Variants in SLC24A2 observed in about 807,000 individuals in gnomAD.
The protein encoded by SLC24A2 is solute carrier family 24 member 2.
In SLC24A2, 36 loss-of-function variants were observed where a neutral mutation model predicts 62.0. That is an observed-to-expected ratio of 0.58 (90% confidence interval 0.44 to 0.77). The LOEUF is 0.77. Ranked by LOEUF, SLC24A2 falls within the 30% of genes least tolerant of loss-of-function variation. The pLI is 0.00. For synonymous variants in SLC24A2, 358 were observed against 294.0 expected, an observed-to-expected ratio of 1.22 and a Z score of -2.23; for missense variants, 846 against 817.9, an observed-to-expected ratio of 1.03 and a Z score of -0.42.
At chr9:20,142,944 G>C in the SLC24A2 span, among the ~76,000 whole-genome samples, 1 of 152,150 alleles carries the variant, frequency 6.6e-6, no homozygotes, top group African/African-American at 2.4e-5. Flanking sequence ...ATCTGCTGGA[G>C]CCAGGGGCCA....
chr9:20,198,718 C>A, the SLC24A2 span, among the ~76,000 whole-genome samples: 1 of 151,802 alleles, frequency 6.6e-6, no homozygotes, highest in African/African-American at 2.4e-5. Context: ...CCCAAGCCAT[C>A]CACCCCGAGG....
At chr9:20,225,163 G>T in the SLC24A2 span, among the ~76,000 whole-genome samples, 45 of 152,152 alleles carry the variant, frequency 3.0e-4, 1 homozygote, top group African/African-American at 1.0e-3. Flanking sequence ...AGAAAGAAGG[G>T]TACATATTTT....
the SLC24A2 span, among the ~76,000 whole-genome samples, chr9:19,820,042 C>CATATATATATATACACATATATATATAT: frequency 3.0e-5 from 1 of 32,862 alleles, no homozygotes; most frequent in South Asian, 9.3e-4. Flanking sequence ...TATATATATA[C>CATATATATATATACACATATATATATAT]ATATATATAT....
At chr9:19,751,034 T>C (rs917475694) in intron 2 of SLC24A2, among the ~76,000 whole-genome samples, 1 of 152,218 alleles carries the variant, frequency 6.6e-6, no homozygotes, top group African/African-American at 2.4e-5. Context: ...CTGCCTTCAC[T>C]ATGGGGCTTA....
chr9:20,200,523 G>C, the SLC24A2 span, among the ~76,000 whole-genome samples: 2 of 152,248 alleles, frequency 1.3e-5, no homozygotes, highest in Non-Finnish European at 2.9e-5. Flanking sequence ...CCGTGTAACG[G>C]AAAGGGAAAT....
intron 2 of SLC24A2, among the ~76,000 whole-genome samples, chr9:19,671,553 T>C (rs1185317699): frequency 1.3e-5 from 2 of 152,148 alleles, no homozygotes; most frequent in Admixed American, 1.3e-4. Flanking sequence ...TATTTCTTTC[T>C]CTTATCTGAT....
chr9:20,023,501 C>T, the SLC24A2 span, among the ~76,000 whole-genome samples: 10 of 152,298 alleles, frequency 6.6e-5, no homozygotes, highest in South Asian at 1.9e-3. Context: ...TTGGTGACCT[C>T]AGATTTCACT....
rs188152854 is a variant in SLC24A2 at position 19,708,845 on chromosome 9, G to C, written c.930+77092C>G. Among the ~76,000 whole-genome samples the C allele has an allele frequency of 7.1e-3, 1,087 of 152,152 alleles. 16 individuals carry two copies. The highest frequency in any genetic ancestry group is 0.025 in the African/African-American group (1,039 of 41,502). ...CAATAACATTCAGGACATAGGCATG[G>C]GCAAGGACTGCATGTCTAAAACACC... On this transcript the variant is annotated intron_variant, in intron 2 of 10. Coordinates refer to ENST00000341998, the MANE Select transcript of SLC24A2 (RefSeq NM_020344.4).
the SLC24A2 span, among the ~76,000 whole-genome samples, chr9:20,084,026 A>T: frequency 6.6e-6 from 1 of 152,230 alleles, no homozygotes; most frequent in African/African-American, 2.4e-5. Flanking sequence ...CCCAATGGTC[A>T]GAGCTTGCTT....
chr9:19,925,830 T>C, the SLC24A2 span, among the ~76,000 whole-genome samples: 130 of 152,346 alleles, frequency 8.5e-4, no homozygotes, highest in African/African-American at 2.8e-3. Context: ...TCTTTATTCA[T>C]AAAAAACTGG....
intron 2 of SLC24A2, among the ~76,000 whole-genome samples, chr9:19,661,585 A>G (rs937543465): frequency 6.6e-6 from 1 of 152,220 alleles, no homozygotes; most frequent in African/African-American, 2.4e-5. Context: ...TGTGGAGCAT[A>G]TCTTCCTTGA....
At chr9:20,063,303 T>C in the SLC24A2 span, among the ~76,000 whole-genome samples, 2 of 151,032 alleles carry the variant, frequency 1.3e-5, no homozygotes, top group Non-Finnish European at 2.9e-5. Flanking sequence ...CATGGAATAC[T>C]AGGCAGCCAT....
chr9:19,691,081 C>T (rs1020423324), intron 2 of SLC24A2, among the ~76,000 whole-genome samples: 25 of 152,152 alleles, frequency 1.6e-4, no homozygotes, highest in African/African-American at 6.0e-4. Context: ...ACGTCCAGCA[C>T]AAGGTGTTCC....
chr9:20,294,826 A>T, the SLC24A2 span, among the ~76,000 whole-genome samples: 1 of 152,172 alleles, frequency 6.6e-6, no homozygotes, highest in Non-Finnish European at 1.5e-5. Flanking sequence ...GCCACCCAAC[A>T]TTGGTATAAC....
the SLC24A2 span, among the ~76,000 whole-genome samples, chr9:20,119,605 C>A: frequency 1.9e-4 from 29 of 152,100 alleles, no homozygotes; most frequent in Admixed American, 1.9e-3. Flanking sequence ...AGAGAACTTT[C>A]TCAATCAGAT....
the SLC24A2 span, among the ~76,000 whole-genome samples, chr9:20,061,869 G>C: frequency 2.0e-5 from 3 of 151,990 alleles, no homozygotes; most frequent in South Asian, 6.2e-4. Flanking sequence ...TGCTTCAGAA[G>C]ACACCATTAA....
At chr9:20,019,727 T>G in the SLC24A2 span, among the ~76,000 whole-genome samples, 1 of 152,088 alleles carries the variant, frequency 6.6e-6, no homozygotes, top group African/African-American at 2.4e-5. Flanking sequence ...AAATGGGATC[T>G]AATTAAACTA....
chr9:19,549,528 C>T lies in SLC24A2; in HGVS notation c.1479+609G>A, dbSNP rs149176928. ...CATTCACTCTTGGAGTCCTGACTGA[C>T]CTCTTATGTAAAACATTTCACTATC... On this transcript the variant is annotated intron_variant, in intron 8 of 10. Transcript: ENST00000341998. Among the ~76,000 whole-genome samples the T allele has an allele frequency of 3.3e-5, 5 of 152,282 alleles. No individual in the cohort carries two copies. The East Asian group carries it at 7.7e-4, about 23-fold the overall frequency.
At chr9:20,144,544 T>C in the SLC24A2 span, among the ~76,000 whole-genome samples, 803 of 152,226 alleles carry the variant, frequency 5.3e-3, 10 homozygotes, top group African/African-American at 0.018. Context: ...CTTGTCAGCT[T>C]TCTGAAAAGC....
Sources: allele counts gnomAD v4.1 joint callset (sites outside exome capture counted in the v4.1 genomes callset), GRCh38; gene constraint gnomAD v4.1.1; transcripts MANE v1.5; gene names NCBI Gene and HGNC (gene_info 2026-07-23, HGNC 2026-07-21).